AHI1: variants seen among roughly 807,000 people sequenced by gnomAD.
AHI1 encodes the protein jouberin.
In AHI1, 123 loss-of-function variants were observed where a neutral mutation model predicts 149.3. The observed-to-expected ratio is 0.82, with a 90% CI of 0.71 to 0.96. The LOEUF is 0.96. Among genes scored for constraint, AHI1 ranks in the 40% least tolerant of loss-of-function variants. The pLI is 0.00. For synonymous variants in AHI1, 475 were observed against 459.8 expected (o/e 1.03, Z -0.42); for missense variants, 1,439 against 1,422.7 (o/e 1.01, Z -0.18).
intron 23 of AHI1, among the ~76,000 whole-genome samples, chr6:135,371,664 C>T (rs1211520600): frequency 1.3e-5 from 2 of 152,192 alleles, no homozygotes; most frequent in East Asian, 1.9e-4. Flanking sequence ...ATCCTTTCTA[C>T]TCTAGAGATT....
Position 135,358,142 on chromosome 6 carries a change from G to C in AHI1, c.3155C>G (p.Thr1052Arg), listed in dbSNP as rs762868638. The change falls in exon 24 of 29, where the codon ACA becomes AGA. Residue 1052 changes from threonine (T) to arginine (R), a missense_variant. Thr to Arg is a moderately conservative substitution (Grantham distance 71). Coordinates refer to ENST00000265602, the MANE Select transcript of AHI1 (RefSeq NM_001134831.2). Reference protein sequence around the residue: ...ERKPCNHQVDTAPTVVALYDY... With the variant: ...ERKPCNHQVDRAPTVVALYDY... ...AACAGACTGTCTTACCGTTGGTGCT[G>C]TATCTACCTGATGGTTACAAGGCTT... 10 of 1,612,788 alleles carry C rather than the reference G, an allele frequency of 6.2e-6. No homozygotes were observed. The South Asian group carries it at 7.7e-5, about 12-fold the overall frequency.
At chr6:135,309,504 C>T (rs1205192210) in intron 26 of AHI1, among the ~76,000 whole-genome samples, 8 of 142,454 alleles carry the variant, frequency 5.6e-5, no homozygotes, top group Non-Finnish European at 9.1e-5. Flanking sequence ...TTTTTTGAGA[C>T]GGAGTTTCAC....
At chr6:135,456,436 T>C (rs1788960378) in intron 9 of AHI1, among the ~76,000 whole-genome samples, 1 of 151,406 alleles carries the variant, frequency 6.6e-6, no homozygotes, top group Non-Finnish European at 1.5e-5. Context: ...CCCAGCTACG[T>C]GGGAGTCTGA....
intron 28 of AHI1, among the ~76,000 whole-genome samples, chr6:135,289,899 A>G (rs1479618292): frequency 6.6e-6 from 1 of 151,894 alleles, no homozygotes; most frequent in Non-Finnish European, 1.5e-5. Context: ...GGCCTTCCCT[A>G]TACCCCAACC....
intron 23 of AHI1, among the ~76,000 whole-genome samples, chr6:135,373,669 C>A (rs4895447): frequency 6.6e-6 from 1 of 152,112 alleles, no homozygotes; most frequent in Non-Finnish European, 1.5e-5. Context: ...CTAAACCCTA[C>A]CAACCTTTAA....
At chr6:135,423,132 T>C (rs1277924419) in intron 20 of AHI1, among the ~76,000 whole-genome samples, 1 of 151,848 alleles carries the variant, frequency 6.6e-6, no homozygotes, top group African/African-American at 2.4e-5. Context: ...CAATGAAGAG[T>C]TTTAGAAGGA....
At chr6:135,300,819 A>G (rs1164970227) in intron 26 of AHI1, 9 of 771,252 alleles carry the variant, frequency 1.2e-5, no homozygotes, top group Non-Finnish European at 1.5e-5. Context: ...ATGTGACCAA[A>G]AAAAAAAAAA....
At chr6:135,490,003 G>T (rs1444088201) in intron 5 of AHI1, 2 of 493,878 alleles carry the variant, frequency 4.0e-6, no homozygotes, top group Middle Eastern at 4.3e-4. Context: ...ACTCAAGTAG[G>T]GAGATAGGTA....
rs1378773711 is a variant in AHI1 at position 135,436,873 on chromosome 6, AT to A, written c.2036+1501del. Among the ~76,000 whole-genome samples, 3 of 152,310 alleles carry A rather than the reference AT, an allele frequency of 2.0e-5. No homozygotes were observed. The East Asian group carries it at 5.8e-4, about 29-fold the overall frequency. On this transcript the variant is annotated intron_variant, in intron 15 of 28. Transcript: ENST00000265602. ...CACCTCGGCTTCCCAAAGTGCTGGGATTACAGGCATAAGCCACTGCGCCCGG... is the reference window on the plus strand; with the variant it reads ...CACCTCGGCTTCCCAAAGTGCTGGGATACAGGCATAAGCCACTGCGCCCGG...
intron 23 of AHI1, among the ~76,000 whole-genome samples, chr6:135,360,939 TATTTAC>T: frequency 6.6e-6 from 1 of 152,358 alleles, no homozygotes; most frequent in Non-Finnish European, 1.5e-5. Flanking sequence ...ATGATTTGAC[TATTTAC>T]ATTTAATGCA....
At chr6:135,321,413 G>A (rs1472589694) in intron 25 of AHI1, among the ~76,000 whole-genome samples, 1 of 152,190 alleles carries the variant, frequency 6.6e-6, no homozygotes, top group African/African-American at 2.4e-5. Flanking sequence ...TAGGGGAGGA[G>A]TCTGCTGACT....
intron 5 of AHI1, among the ~76,000 whole-genome samples, chr6:135,481,832 C>T (rs944565534): frequency 4.1e-5 from 6 of 144,850 alleles, no homozygotes; most frequent in East Asian, 2.0e-4. Context: ...AAAATGAAGG[C>T]GAAATAAAAA....
chr6:135,370,687 G>A (rs529956879), intron 23 of AHI1, among the ~76,000 whole-genome samples: 46 of 152,236 alleles, frequency 3.0e-4, no homozygotes, highest in African/African-American at 1.1e-3. Flanking sequence ...TCTCTTTGAT[G>A]GCTTTTTAGT....
chr6:135,417,362 T>C (rs1027633900), intron 20 of AHI1, among the ~76,000 whole-genome samples: 2 of 152,048 alleles, frequency 1.3e-5, no homozygotes, highest in Admixed American at 1.3e-4. Flanking sequence ...CAGAAGCACA[T>C]ACACCTACGT....
rs371012568 is a variant in AHI1 at position 135,316,592 on chromosome 6, T to C, written c.3426+1927A>G. 5.9e-5 allele frequency among the ~76,000 whole-genome samples: 9 copies of C among 152,218 alleles called. No homozygotes were observed. In the South Asian group the frequency reaches 1.7e-3, roughly 28 times the overall value. ...TTTTTCTGTTTATTATTTTTTCTTT[T>C]TTTCCTTTTCCTTTATTCTTTCTTA... On this transcript the variant is annotated intron_variant, in intron 26 of 28. Transcript: ENST00000265602.
intron 5 of AHI1, among the ~76,000 whole-genome samples, chr6:135,485,322 G>A (rs1794320734): frequency 6.6e-6 from 1 of 152,156 alleles, no homozygotes; most frequent in African/African-American, 2.4e-5. Context: ...TGATCTGCCT[G>A]CCTTGGCCTC....
At chr6:135,386,581 A>G (rs1385075223) in intron 23 of AHI1, among the ~76,000 whole-genome samples, 1 of 152,094 alleles carries the variant, frequency 6.6e-6, no homozygotes, top group African/African-American at 2.4e-5. Flanking sequence ...AAGTGCTGGG[A>G]TTACAGGTGT....
chr6:135,376,697 C>T (rs891208852), intron 23 of AHI1, among the ~76,000 whole-genome samples: 1 of 151,692 alleles, frequency 6.6e-6, no homozygotes, highest in African/African-American at 2.4e-5. Flanking sequence ...GCCTGACCAA[C>T]ATGGTGAAAC....
At chr6:135,344,290 A>G (rs1790823680) in intron 24 of AHI1, among the ~76,000 whole-genome samples, 1 of 151,814 alleles carries the variant, frequency 6.6e-6, no homozygotes, top group African/African-American at 2.4e-5. Flanking sequence ...ATCTAGTAAG[A>G]GACGTGTATC....
Sources: allele counts gnomAD v4.1 joint callset (sites outside exome capture counted in the v4.1 genomes callset), GRCh38; gene constraint gnomAD v4.1.1; transcripts MANE v1.5; gene names NCBI Gene and HGNC (gene_info 2026-07-23, HGNC 2026-07-21).